The following SPAM1 variants were observed in gnomAD, a reference collection of about 807,000 sequenced individuals.
The protein encoded by SPAM1 is hyaluronidase PH-20.
A neutral mutation model predicts 29.6 loss-of-function variants in SPAM1; 22 were observed. That is an observed-to-expected ratio of 0.74 (90% CI 0.53 to 1.06). The LOEUF is 1.06. SPAM1 is among the 50% of genes least tolerant of loss of function. SPAM1 has a pLI of 0.00. For missense variants in SPAM1, 534 were observed against 604.0 expected, an observed-to-expected ratio of 0.88 and a Z score of 1.21; for synonymous variants, 194 against 204.6, an observed-to-expected ratio of 0.95 and a Z score of 0.44.
At chr7:123,933,538 C>T (rs1281080460) in intron 1 of SPAM1, among the ~76,000 whole-genome samples, 2 of 152,024 alleles carry the variant, frequency 1.3e-5, no homozygotes, top group Non-Finnish European at 2.9e-5. Context: ...TGGAAAATGA[C>T]TAGGAAATGT....
intron 1 of SPAM1, among the ~76,000 whole-genome samples, chr7:123,945,173 T>C (rs1261856810): frequency 6.6e-6 from 1 of 152,146 alleles, no homozygotes; most frequent in Non-Finnish European, 1.5e-5. Context: ...AAAATACCTC[T>C]TTATTTCTAT....
At chr7:123,934,549 T>C (rs1278098952) in intron 1 of SPAM1, among the ~76,000 whole-genome samples, 1 of 152,224 alleles carries the variant, frequency 6.6e-6, no homozygotes, top group Non-Finnish European at 1.5e-5. Flanking sequence ...CTCATGTTTA[T>C]TGTGACACTA....
exon 7 of SPAM1, chr7:123,971,030 A>T (rs1295642433): frequency 3.9e-5 from 6 of 152,072 alleles, no homozygotes; most frequent in Admixed American, 3.9e-4. Flanking sequence ...CATGACTATC[A>T]TCACCAACAT....
At position 123,949,996 on chromosome 7, in the gene SPAM1, G is replaced by T. The variant is rs529198857; in HGVS notation, c.-207+13G>T. 6.6e-6 allele frequency: 1 copy of T among 152,164 alleles called. No individual in the cohort carries two copies. Among genetic ancestry groups the T allele is most frequent in the Admixed American group, 6.6e-5 (1 of 15,244 alleles). The allele number at this position is 152,164 out of a possible 1,614,324, so 9.4% of individuals were successfully genotyped here. ...AGCAGACTTCTGGGTAAGTGTCATTGTTTGGGTTTGGGGGATAGCAAAGAC... is the reference window on the plus strand; with the variant it reads ...AGCAGACTTCTGGGTAAGTGTCATTTTTTGGGTTTGGGGGATAGCAAAGAC... On this transcript the variant is annotated intron_variant, in intron 2 of 4. Transcript: ENST00000682466.
intron 1 of SPAM1, among the ~76,000 whole-genome samples, chr7:123,929,894 G>GGTTTTTTTTT (rs1808013640): frequency 8.0e-6 from 1 of 124,708 alleles, no homozygotes; most frequent in Non-Finnish European, 1.8e-5. Flanking sequence ...GGTGTTTAGG[G>GGTTTTTTTTT]ATTTTTTTTT....
rs377128530 is a variant in SPAM1, at chr7:123,953,562, C to T, written c.-9C>T. On this transcript the variant is annotated 5_prime_UTR_variant, in exon 3 of 5. Transcript: ENST00000682466. ...GAAATAAATGTTTTCATAGTCATTA[C>T]TCTTTACAATGGGAGTGCTAAAATT... 9 of 1,547,164 alleles carry T rather than the reference C, an allele frequency of 5.8e-6. No homozygotes were observed. Among genetic ancestry groups the T allele is most frequent in the Admixed American group, 1.9e-5 (1 of 52,924 alleles).
intron 1 of SPAM1, among the ~76,000 whole-genome samples, chr7:123,948,973 C>CTT (rs58149943): frequency 9.9e-5 from 14 of 141,284 alleles, no homozygotes; most frequent in South Asian, 4.5e-4. Flanking sequence ...AAATTTGGCT[C>CTT]TTTTTTTTTT....
chr7:123,938,747 A>T (rs1808334133), intron 1 of SPAM1, among the ~76,000 whole-genome samples: 1 of 152,206 alleles, frequency 6.6e-6, no homozygotes, highest in Admixed American at 6.5e-5. Context: ...TTGCTAATAG[A>T]CGGTTAATTG....
At chr7:123,934,793 T>C (rs1011450113) in intron 1 of SPAM1, among the ~76,000 whole-genome samples, 1 of 152,096 alleles carries the variant, frequency 6.6e-6, no homozygotes, top group Non-Finnish European at 1.5e-5. Flanking sequence ...GTTGATCTTA[T>C]AGAGGCAGAG....
chr7:123,960,410 T>C (rs1792343335), downstream of SPAM1, among the ~76,000 whole-genome samples: 1 of 151,930 alleles, frequency 6.6e-6, no homozygotes, highest in Non-Finnish European at 1.5e-5. Context: ...CTATTTCTCC[T>C]CTGCTCAGAA....
At chr7:123,936,814 T>C (rs1808255337) in intron 1 of SPAM1, among the ~76,000 whole-genome samples, 1 of 152,200 alleles carries the variant, frequency 6.6e-6, no homozygotes, top group Admixed American at 6.5e-5. Flanking sequence ...ATTTCCCTTT[T>C]AATGAGAAGC....
At chr7:123,962,756 C>T (rs1792375487), downstream of SPAM1, among the ~76,000 whole-genome samples, 2 of 151,766 alleles carry the variant, frequency 1.3e-5, no homozygotes, top group African/African-American at 4.8e-5. Flanking sequence ...TAGAAGTTTC[C>T]TTGTGTCTTC....
At chr7:123,932,338 C>G (rs538277246) in intron 1 of SPAM1, 1 of 152,294 alleles carries the variant, frequency 6.6e-6, no homozygotes, top group African/African-American at 2.4e-5. Context: ...CACAGGAGAC[C>G]TGAGTTGATT....
chr7:123,970,234 A>G (rs1356717709), exon 6 of SPAM1: 3 of 1,549,098 alleles, frequency 1.9e-6, no homozygotes, highest in Non-Finnish European at 2.6e-6. Flanking sequence ...TATTAGCAGA[A>G]TTGGTTTCTT....
intron 1 of SPAM1, among the ~76,000 whole-genome samples, chr7:123,936,837 T>C (rs556929554): frequency 1.3e-5 from 2 of 152,328 alleles, no homozygotes; most frequent in African/African-American, 4.8e-5. Flanking sequence ...GTGATCTCTA[T>C]GGAGGCAAAA....
intron 4 of SPAM1, 114 bp downstream of exon 4, chr7:123,955,200 G>T: frequency 1.4e-6 from 1 of 705,096 alleles, no homozygotes; most frequent in Non-Finnish European, 2.5e-6. Context: ...TGTAGTAATA[G>T]GTGCTCAATT....
chr7:123,947,195 C>T (rs1808603737), intron 1 of SPAM1, among the ~76,000 whole-genome samples: 1 of 152,026 alleles, frequency 6.6e-6, no homozygotes, highest in Non-Finnish European at 1.5e-5. Context: ...GAAAACTGTT[C>T]CATGAAGTAT....
At chr7:123,964,044 TAA>T (rs1268109400), downstream of SPAM1, among the ~76,000 whole-genome samples, 1 of 132,840 alleles carries the variant, frequency 7.5e-6, no homozygotes, top group Non-Finnish European at 1.6e-5. Context: ...TTTTATTTTA[TAA>T]GACAGTATAT....
chr7:123,965,819 T>C (rs1480572099), intron 5 of SPAM1, among the ~76,000 whole-genome samples: 1 of 152,092 alleles, frequency 6.6e-6, no homozygotes, highest in Non-Finnish European at 1.5e-5. Context: ...TTTAAAATAG[T>C]TTTTTCTAAT....
Sources: gnomAD v4.1 joint callset for allele counts (sites outside exome capture counted in the v4.1 genomes callset) on GRCh38, gnomAD v4.1.1 for gene constraint, MANE v1.5 for transcripts, NCBI Gene and HGNC (gene_info 2026-07-23, HGNC 2026-07-21) for gene names.